Variants in DNAH3 observed in about 807,000 individuals in gnomAD.
The protein encoded by DNAH3 is axonemal beta dynein heavy chain 3.
In DNAH3, 332 loss-of-function variants were observed where a neutral mutation model predicts 432.5. The observed-to-expected ratio is 0.77, with a 90% CI of 0.70 to 0.84. The LOEUF (loss-of-function observed/expected upper bound fraction) is 0.84. DNAH3 is among the 40% of genes least tolerant of loss of function. The pLI is 0.00. For synonymous variants in DNAH3, 1,956 were observed against 1,900.2 expected (o/e 1.03, Z -0.76); for missense variants, 4,861 against 5,114.0 (o/e 0.95, Z 1.51).
chr16:21,138,050 C>A (rs1202291940), intron 5 of DNAH3, among the ~76,000 whole-genome samples: 3 of 151,850 alleles, frequency 2.0e-5, no homozygotes, highest in Admixed American at 6.6e-5. Context: ...GAGTTTGAGA[C>A]CAGCCTGACC....
intron 51 of DNAH3, among the ~76,000 whole-genome samples, chr16:20,974,505 G>A (rs1307479904): frequency 6.6e-6 from 1 of 150,532 alleles, no homozygotes; most frequent in Non-Finnish European, 1.5e-5. Context: ...CTGGGCTCAA[G>A]CAATCCTCCC....
chr16:21,039,144 G>A lies in DNAH3; in HGVS notation c.4730+708C>T, dbSNP rs559102593. Among the ~76,000 whole-genome samples, 3 of 151,868 alleles carry A rather than the reference G, an allele frequency of 2.0e-5. No homozygotes were observed. In the East Asian group the frequency reaches 5.8e-4, roughly 29 times the overall value. On this transcript the variant is annotated intron_variant, in intron 33 of 61. Coordinates refer to ENST00000261383, the Ensembl canonical transcript of DNAH3. ...ATGAGATATAACCTAGTTAATTGGA[G>A]GCAATAAATGTTATATTAATAATTT... is the stretch of plus-strand genomic sequence containing the variant.
At chr16:20,944,804 CTGGG>C in intron 57 of DNAH3, 141 bp from the exon 58 acceptor site, 3 of 806,482 alleles carry the variant, frequency 3.7e-6, no homozygotes, top group Non-Finnish European at 4.0e-6. Context: ...CACACACACG[CTGGG>C]AGAACACAAC....
At chr16:20,947,133 A>C (rs2084085134) in intron 57 of DNAH3, among the ~76,000 whole-genome samples, 1 of 151,866 alleles carries the variant, frequency 6.6e-6, no homozygotes, top group South Asian at 2.1e-4. Context: ...CCTGATTGTG[A>C]GTCTTAAGAC....
chr16:21,134,567 A>AG, intron 6 of DNAH3, 113 bp from the exon 8 acceptor site: 3 of 968,556 alleles, frequency 3.1e-6, no homozygotes, highest in Non-Finnish European at 3.0e-6. Context: ...TAAGTTGGCC[A>AG]GGCTGGTCTC....
chr16:21,142,838 G>A (rs1186850668), intron 3 of DNAH3, among the ~76,000 whole-genome samples: 2 of 152,028 alleles, frequency 1.3e-5, no homozygotes, highest in African/African-American at 4.8e-5. Flanking sequence ...ATCTTTTGTA[G>A]AGACGGGGTT....
intron 48 of DNAH3, among the ~76,000 whole-genome samples, chr16:20,984,223 G>GTA (rs1425997651): frequency 4.0e-5 from 6 of 151,572 alleles, no homozygotes; most frequent in African/African-American, 7.3e-5. Context: ...GTGTGTGTGT[G>GTA]TATGCATGCA....
intron 21 of DNAH3, among the ~76,000 whole-genome samples, chr16:21,073,951 T>G (rs2090885661): frequency 6.6e-6 from 1 of 152,178 alleles, no homozygotes; most frequent in Admixed American, 6.5e-5. Context: ...CATACAGCTG[T>G]CCATTCTTCA....
intron 55 of DNAH3, among the ~76,000 whole-genome samples, chr16:20,954,469 T>C (rs2084468373): frequency 6.6e-6 from 1 of 151,616 alleles, no homozygotes; most frequent in East Asian, 2.0e-4. Flanking sequence ...TTTGTGTTTT[T>C]AGTAGAGATG....
intron 14 of DNAH3, 91 bp downstream of exon 14, chr16:21,111,535 T>C: frequency 1.6e-6 from 2 of 1,270,370 alleles, no homozygotes; most frequent in South Asian, 2.8e-5. Context: ...AAATAATCTG[T>C]TCATTGCTGG....
chr16:21,108,140 G>C (rs1399279443), intron 14 of DNAH3, among the ~76,000 whole-genome samples: 1 of 152,146 alleles, frequency 6.6e-6, no homozygotes, highest in South Asian at 2.1e-4. Flanking sequence ...CCAAAGTGCT[G>C]GGATTACAGG....
In DNAH3 at chr16:21,058,083, T is replaced by G; in HGVS notation, c.3924+3A>C. 6.5e-7 allele frequency: 1 copy of G among 1,547,786 alleles called. No homozygotes were observed. ...TCTGTAACTTTGCAGCAAGTTCACT[T>G]ACCAGTAAGGTATTTTCCGCCAGGG... On this transcript the variant is annotated splice_donor_region_variant and intron_variant, in intron 27 of 61. Coordinates refer to ENST00000261383, the Ensembl canonical transcript of DNAH3.
At chr16:21,106,656 G>T in exon 15 of DNAH3, 1 of 1,543,394 alleles carries the variant, frequency 6.5e-7, no homozygotes, top group Non-Finnish European at 8.8e-7. Flanking sequence ...CTGCGATGTG[G>T]CTGTACTGAT....
chr16:20,970,242 T>C (rs1394529500), intron 51 of DNAH3, among the ~76,000 whole-genome samples: 1 of 152,168 alleles, frequency 6.6e-6, no homozygotes, highest in East Asian at 1.9e-4. Flanking sequence ...TTTGCTTTTT[T>C]GGCCAGGCAC....
intron 20 of DNAH3, among the ~76,000 whole-genome samples, chr16:21,080,516 C>CA (rs1451129857): frequency 6.6e-6 from 1 of 152,204 alleles, no homozygotes; most frequent in Non-Finnish European, 1.5e-5. Flanking sequence ...ACTTACAGCA[C>CA]ATCTAATTCA....
At chr16:21,153,615 C>A (rs1460978617) in intron 1 of DNAH3, among the ~76,000 whole-genome samples, 1 of 152,162 alleles carries the variant, frequency 6.6e-6, no homozygotes, top group African/African-American at 2.4e-5. Flanking sequence ...TTCATGCCGC[C>A]TTAATAGCTG....
rs754767078 is a variant in DNAH3 at position 20,965,398 on chromosome 16, A to AC, written c.8485dup (p.Val2829GlyfsTer16). 18 of 1,528,358 alleles carry AC rather than the reference A, an allele frequency of 1.2e-5. No homozygotes were observed. In the South Asian group the frequency reaches 2.2e-4, roughly 19 times the overall value. 94.7% of individuals were successfully genotyped at this position (1,528,358 alleles called of 1,614,324 possible). ...CAGATCCCCAAGAATCTTTTTGGATACCCCCCAGTAATCTTCTATCATCTT... is the reference window on the plus strand; with the variant it reads ...CAGATCCCCAAGAATCTTTTTGGATACCCCCCCAGTAATCTTCTATCATCTT... On this transcript the variant is annotated frameshift_variant, in exon 53 of 62. Transcript: ENST00000261383. LOFTEE classifies it high-confidence loss of function.
At chr16:21,068,325 T>TGGGGGGGGG (rs10547729) in intron 23 of DNAH3, among the ~76,000 whole-genome samples, 3 of 76,618 alleles carry the variant, frequency 3.9e-5, no homozygotes, top group Non-Finnish European at 9.1e-5. Flanking sequence ...TTTTTTTGGG[T>TGGGGGGGGG]GGGGGGGGGG....
At chr16:21,045,704 T>C (rs1443895850) in intron 31 of DNAH3, among the ~76,000 whole-genome samples, 2 of 151,366 alleles carry the variant, frequency 1.3e-5, no homozygotes, top group Non-Finnish European at 2.9e-5. Context: ...AGTTATTTCT[T>C]GCCTTCTGCT....
Sources: gnomAD v4.1 joint callset for allele counts (sites outside exome capture counted in the v4.1 genomes callset) on GRCh38, gnomAD v4.1.1 for gene constraint, MANE v1.5 for transcripts, NCBI Gene and HGNC (gene_info 2026-07-23, HGNC 2026-07-21) for gene names.